CACNA2D3: variants seen among roughly 807,000 people sequenced by gnomAD.
CACNA2D3 encodes the protein voltage-dependent calcium channel subunit alpha-2/delta-3.
A neutral mutation model predicts 160.6 loss-of-function variants in CACNA2D3; 60 were observed. The observed-to-expected ratio is 0.37, with a 90% CI of 0.30 to 0.46. CACNA2D3 has a LOEUF of 0.46. CACNA2D3 is among the 20% of genes least tolerant of loss of function. The pLI is 1.00. For missense variants in CACNA2D3, 1,205 were observed against 1,365.0 expected (o/e 0.88, Z 1.85); for synonymous variants, 558 against 492.9 (o/e 1.13, Z -1.75).
intron 27 of CACNA2D3, among the ~76,000 whole-genome samples, chr3:54,921,736 C>T (rs536419431): frequency 1.3e-5 from 2 of 152,118 alleles, no homozygotes; most frequent in African/African-American, 2.4e-5. Context: ...ATCACAAGCT[C>T]GAGGGGTCTT....
intron 4 of CACNA2D3, among the ~76,000 whole-genome samples, chr3:54,412,627 G>A (rs1389447041): frequency 1.9e-4 from 4 of 20,720 alleles, no homozygotes; most frequent in African/African-American, 5.3e-4. Context: ...TTTTTAGTCT[G>A]ACAACCTCTG....
intron 27 of CACNA2D3, among the ~76,000 whole-genome samples, chr3:54,930,309 G>A (rs1476530739): frequency 6.6e-6 from 1 of 152,070 alleles, no homozygotes; most frequent in Non-Finnish European, 1.5e-5. Context: ...TCAAATGAGG[G>A]GGTTGGGTAA....
intron 27 of CACNA2D3, among the ~76,000 whole-genome samples, chr3:54,960,314 T>C (rs1250068726): frequency 6.6e-6 from 1 of 152,170 alleles, no homozygotes; most frequent in Admixed American, 6.5e-5. Context: ...TGCTTTGTTA[T>C]TTAAAAGCAT....
chr3:54,803,207 G>A (rs868034398), intron 13 of CACNA2D3, among the ~76,000 whole-genome samples: 3 of 152,230 alleles, frequency 2.0e-5, no homozygotes, highest in Admixed American at 6.5e-5. Flanking sequence ...AAAGCTGGAC[G>A]GAGAATGACT....
intron 27 of CACNA2D3, among the ~76,000 whole-genome samples, chr3:54,914,527 G>T (rs371471180): frequency 1.3e-5 from 2 of 152,194 alleles, no homozygotes; most frequent in East Asian, 1.9e-4. Context: ...CAGTGTGATT[G>T]GAGTAAAACG....
intron 13 of CACNA2D3, among the ~76,000 whole-genome samples, chr3:54,805,097 C>G (rs1171978452): frequency 6.6e-6 from 1 of 152,098 alleles, no homozygotes; most frequent in African/African-American, 2.4e-5. Flanking sequence ...CAAGAGAAAG[C>G]AGGAAAGATC....
intron 3 of CACNA2D3, among the ~76,000 whole-genome samples, chr3:54,334,669 C>T (rs62256091): frequency 0.12 from 18,434 of 152,130 alleles, 1,172 homozygotes; most frequent in South Asian, 0.21. Flanking sequence ...CCAGGTCACA[C>T]GCTCCCTCCT....
chr3:54,516,824 A>G (rs186136078), intron 5 of CACNA2D3, among the ~76,000 whole-genome samples: 2 of 152,164 alleles, frequency 1.3e-5, no homozygotes, highest in South Asian at 2.1e-4. Context: ...ACTCACTGCT[A>G]TCAAAGGCAG....
intron 5 of CACNA2D3, among the ~76,000 whole-genome samples, chr3:54,530,322 G>A (rs1010109453): frequency 4.6e-5 from 7 of 152,178 alleles, no homozygotes; most frequent in African/African-American, 1.7e-4. Flanking sequence ...GTGCTCCATA[G>A]TTGCTGGTTG....
chr3:54,309,382 A>G (rs1290984903), intron 2 of CACNA2D3, among the ~76,000 whole-genome samples: 1 of 152,248 alleles, frequency 6.6e-6, no homozygotes, highest in East Asian at 1.9e-4. Context: ...TATCAGAGGC[A>G]TTTGTCCAGT....
chr3:54,136,216 A>T (rs59366799), intron 2 of CACNA2D3, among the ~76,000 whole-genome samples: 4,867 of 152,326 alleles, frequency 0.032, 282 homozygotes, highest in African/African-American at 0.11. Flanking sequence ...ATCAGGGAAC[A>T]GTCCCCTTAT....
At chr3:54,820,246 C>T (rs1024518155) in intron 14 of CACNA2D3, among the ~76,000 whole-genome samples, 1 of 152,170 alleles carries the variant, frequency 6.6e-6, no homozygotes, top group African/African-American at 2.4e-5. Context: ...ATAGTTACGT[C>T]TCTGTAAACA....
intron 2 of CACNA2D3, among the ~76,000 whole-genome samples, chr3:54,294,348 A>G (rs1235005137): frequency 6.6e-6 from 1 of 152,202 alleles, no homozygotes; most frequent in Non-Finnish European, 1.5e-5. Context: ...AAGTTTTTCG[A>G]GGGAACAGGT....
At chr3:54,199,317 G>A (rs986810791) in intron 2 of CACNA2D3, among the ~76,000 whole-genome samples, 9 of 151,526 alleles carry the variant, frequency 5.9e-5, no homozygotes, top group African/African-American at 1.7e-4. Context: ...TCAATATTTC[G>A]GTCTACCTCT....
intron 2 of CACNA2D3, among the ~76,000 whole-genome samples, chr3:54,167,965 T>C (rs747110546): frequency 6.6e-6 from 1 of 152,214 alleles, no homozygotes; most frequent in Non-Finnish European, 1.5e-5. Flanking sequence ...CCCTTCCTTG[T>C]CATTTTTTTT....
At chr3:54,752,028 A>G (rs1701866778) in intron 11 of CACNA2D3, among the ~76,000 whole-genome samples, 1 of 152,114 alleles carries the variant, frequency 6.6e-6, no homozygotes, top group Non-Finnish European at 1.5e-5. Context: ...TTTGCTCTTC[A>G]GGAACCAAAA....
intron 4 of CACNA2D3, among the ~76,000 whole-genome samples, chr3:54,503,009 G>A (rs1701317517): frequency 6.6e-6 from 1 of 152,140 alleles, no homozygotes; most frequent in Admixed American, 6.5e-5. Flanking sequence ...CCATCGCAGT[G>A]AGACCTTCTC....
chr3:54,628,897 G>T (rs1375480843), intron 10 of CACNA2D3, among the ~76,000 whole-genome samples: 1 of 152,070 alleles, frequency 6.6e-6, no homozygotes, highest in Non-Finnish European at 1.5e-5. Flanking sequence ...TACCCAAGAA[G>T]AACTGTGACT....
At chr3:54,836,379 C>T (rs1698688142) in intron 14 of CACNA2D3, among the ~76,000 whole-genome samples, 1 of 151,938 alleles carries the variant, frequency 6.6e-6, no homozygotes, top group Non-Finnish European at 1.5e-5. Context: ...GGACTACAGG[C>T]ACCTGCCACC....
Sources: allele counts gnomAD v4.1 joint callset (sites outside exome capture counted in the v4.1 genomes callset), GRCh38; gene constraint gnomAD v4.1.1; transcripts MANE v1.5; gene names NCBI Gene and HGNC (gene_info 2026-07-23, HGNC 2026-07-21).